Variants in GIPC3 observed in about 807,000 individuals in gnomAD.
The protein encoded by GIPC3 is PDZ domain-containing protein GIPC3.
Under a neutral mutation model 27.3 loss-of-function variants are expected in GIPC3, and 16 were observed. The observed-to-expected ratio is 0.59, with a 90% CI of 0.40 to 0.89. The LOEUF (loss-of-function observed/expected upper bound fraction) is 0.89. GIPC3 is among the 40% of genes least tolerant of loss of function. GIPC3 has a pLI of 0.00. For synonymous variants in GIPC3, 194 were observed against 184.6 expected (o/e 1.05, Z -0.41); for missense variants, 440 against 442.1 (o/e 1.00, Z 0.04).
intron 4 of GIPC3, 64 bp from the exon 5 acceptor site, chr19:3,589,767 G>A: frequency 1.3e-6 from 2 of 1,513,358 alleles, no homozygotes; most frequent in Non-Finnish European, 1.8e-6. Flanking sequence ...TGGGGGTCGG[G>A]AGGGGGCTGG....
At position 3,585,647 on chromosome 19, in the gene GIPC3, C is replaced by T. The variant is rs876657815; in HGVS notation, c.50C>T (p.Ala17Val). The T allele has an allele frequency of 1.7e-6, 2 of 1,206,654 alleles. No individual in the cohort carries two copies. Among genetic ancestry groups the T allele is most frequent in the African/African-American group, 1.6e-5 (1 of 62,580 alleles). 74.7% of individuals were successfully genotyped at this position (1,206,654 alleles called of 1,614,324 possible). A position where few individuals can be genotyped will look rare whatever the true frequency, so the allele number is the denominator to read the frequency against. Residue 17 changes from alanine to valine, a missense_variant, in exon 1 of 6, where the codon GCG becomes GTG. Physicochemically the swap from Ala to Val is moderately conservative, Grantham distance 64. Transcript: ENST00000644452. ...GCCCGGGGGACCGAGACCCCGCGCG[C>T]GTCTGCGCCCCCGCCCGCGCCCTCG... ...REARGTETPR[A>V]SAPPPAPSEP...
rs1454939272 is a variant in GIPC3 at position 3,586,819 on chromosome 19, C to T, written c.417C>T (p.Ile139=). 1.2e-6 allele frequency: 2 copies of T among 1,613,382 alleles called. No individual in the cohort carries two copies. Among genetic ancestry groups the T allele is most frequent in the Non-Finnish European group, 1.7e-6 (2 of 1,179,966 alleles). The change falls in exon 3 of 6, where the codon ATC becomes ATT. Residue 139 remains isoleucine, a synonymous_variant. Coordinates refer to ENST00000644452, the MANE Select transcript of GIPC3 (RefSeq NM_133261.3). ...GCGACGCTGGATCCCTGCAGAGAAT[C>T]AAGGAAGGCAGTATCATCAACCGGA... ...NGAGYAFIKR[I]KEGSIINRIE... is the part of the protein sequence containing the mutation.
Position 3,590,801 on chromosome 19 carries a change from C to CAAGCCCAGCTCTA in GIPC3, c.*611_*612insAAGCCCAGCTCTA. ...CTAGAACTCAGATGGGCTCTGAGAC[C>CAAGCCCAGCTCTA]GAGCCCAGCTCTAGAACTCAGATGG... On this transcript the variant is annotated 3_prime_UTR_variant, in exon 6 of 6. Transcript: ENST00000644452. 8.1e-7 allele frequency: 1 copy of CAAGCCCAGCTCTA among 1,234,632 alleles called. No homozygotes were observed. The highest frequency in any genetic ancestry group is 1.0e-6 in the Non-Finnish European group (1 of 989,868). The allele number at this position is 1,234,632 out of a possible 1,614,324, so 76.5% of individuals were successfully genotyped here.
At position 3,591,762 on chromosome 19, in the gene GIPC3, A is replaced by G; in HGVS notation, c.*1572A>G. 2 of 1,233,252 alleles carry G rather than the reference A, an allele frequency of 1.6e-6. No homozygotes were observed. The highest frequency in any genetic ancestry group is 3.2e-5 in the East Asian group (1 of 31,736). The allele number at this position is 1,233,252 out of a possible 1,614,324, so 76.4% of individuals were successfully genotyped here. On this transcript the variant is annotated 3_prime_UTR_variant, in exon 6 of 6. Coordinates refer to ENST00000644452, the MANE Select transcript of GIPC3 (RefSeq NM_133261.3). ...TGAGCCCAGCTCTAGAACCTCGCCT[A>G]GTGCTACAACCAGGCCCAACTCCAG...
chr19:3,590,196 C>T lies in GIPC3; in HGVS notation c.*6C>T. The stretch of plus-strand genomic sequence containing the variant: ...CCAGAGAGGCCTGTGGCTAGTTTGC[C>T]CTGGGGGGGCCCAGCACAGCCCCAG... On this transcript the variant is annotated 3_prime_UTR_variant, in exon 6 of 6. Coordinates refer to ENST00000644452, the MANE Select transcript of GIPC3 (RefSeq NM_133261.3). 1.3e-6 allele frequency: 2 copies of T among 1,584,994 alleles called. No individual in the cohort carries two copies. Among genetic ancestry groups the T allele is most frequent in the South Asian group, 1.1e-5 (1 of 87,202 alleles).
rs752367476 is a variant in GIPC3 at position 3,586,482 on chromosome 19, C to G, written c.226-13C>G. ...TGCCCTGGCTAACTCTAGGCTCCTT[C>G]TCCCCCGGGAAGATTTTATTCTGCA... On this transcript the variant is annotated splice_polypyrimidine_tract_variant and intron_variant, in intron 1 of 5. Coordinates refer to ENST00000644452, the MANE Select transcript of GIPC3 (RefSeq NM_133261.3). 15 of 1,612,596 alleles carry G rather than the reference C, an allele frequency of 9.3e-6. No individual in the cohort carries two copies. The South Asian group carries it at 1.6e-4, about 18-fold the overall frequency.
chr19:3,593,228 G>A lies in GIPC3; in HGVS notation c.*3038G>A, dbSNP rs766890798. 6.5e-6 allele frequency: 8 copies of A among 1,232,580 alleles called. No homozygotes were observed. Among genetic ancestry groups the A allele is most frequent in the African/African-American group, 1.5e-5 (1 of 64,552 alleles). The allele number at this position is 1,232,580 out of a possible 1,614,324, so 76.4% of individuals were successfully genotyped here. On this transcript the variant is annotated 3_prime_UTR_variant, in exon 6 of 6. Coordinates refer to ENST00000644452, the MANE Select transcript of GIPC3 (RefSeq NM_133261.3). ...AGCTGTCTGAGTCCCCAGCTTTGGC[G>A]CCAGCCCTTTGCCCCACTCTGGGGG...
chr19:3,587,076 G>A (rs2032383530), intron 3 of GIPC3, 82 bp downstream of exon 3: 1 of 1,354,774 alleles, frequency 7.4e-7, no homozygotes, highest in East Asian at 2.5e-5. Flanking sequence ...GGGATGGGAC[G>A]GGCTGGAAGG....
rs534609825 is a variant in GIPC3, at chr19:3,587,258, TG to T, written c.592+267del. Among the ~76,000 whole-genome samples, 309 of 150,892 alleles carry T rather than the reference TG, an allele frequency of 2.0e-3. 2 individuals carry two copies. Among genetic ancestry groups the T allele is most frequent in the African/African-American group, 7.0e-3 (287 of 40,994 alleles). On this transcript the variant is annotated intron_variant, in intron 3 of 5. Coordinates refer to ENST00000644452, the MANE Select transcript of GIPC3 (RefSeq NM_133261.3). ...GTCCAGAACCACTTTGGAGCCAGGC[TG>T]GGAGACTTGTTTTTGTTTGTTTGTT... is the stretch of plus-strand genomic sequence containing the variant.
Position 3,591,975 on chromosome 19 carries a change from C to A in GIPC3, c.*1785C>A, listed in dbSNP as rs1299730521. The A allele has an allele frequency of 1.9e-5, 24 of 1,232,070 alleles. No homozygotes were observed. The highest frequency in any genetic ancestry group is 3.1e-5 in the African/African-American group (2 of 64,410). The allele number at this position is 1,232,070 out of a possible 1,614,324, so 76.3% of individuals were successfully genotyped here. On this transcript the variant is annotated 3_prime_UTR_variant, in exon 6 of 6. Transcript: ENST00000644452. ...AGCTCAATCCAGCCCAAGCACCGCA[C>A]CCAGCTCTGGAACTCAGCTCAGTTC...
chr19:3,586,760 G>A (rs947095066), intron 2 of GIPC3, 54 bp from the exon 3 acceptor site: 2 of 1,612,022 alleles, frequency 1.2e-6, no homozygotes, highest in African/African-American at 2.7e-5. Context: ...TGGGTTCTGC[G>A]GATTGGAGGC....
chr19:3,586,283 G>T (rs1047324606), intron 1 of GIPC3, among the ~76,000 whole-genome samples: 5 of 152,120 alleles, frequency 3.3e-5, no homozygotes, highest in African/African-American at 1.2e-4. Flanking sequence ...AAACCTGGAG[G>T]TCTGGGGGCT....
Position 3,589,893 on chromosome 19 carries a change from C to T in GIPC3, c.768C>T (p.Gly256=). ...ATGACCTGCTGGAAAGCTACATGGG[C>T]ATTCGGGACCCCGAGCTGGGTAAGG... is the stretch of plus-strand genomic sequence containing the variant. The part of the protein sequence containing the change: ...KVDDLLESYM[G]IRDPELASTM... The change falls in exon 5 of 6, where the codon GGC becomes GGT. Residue 256 remains glycine, a synonymous_variant. Coordinates refer to ENST00000644452, the MANE Select transcript of GIPC3 (RefSeq NM_133261.3). 6.2e-7 allele frequency: 1 copy of T among 1,613,880 alleles called. No individual in the cohort carries two copies. The highest frequency in any genetic ancestry group is 8.5e-7 in the Non-Finnish European group (1 of 1,180,022).
chr19:3,591,045 A>G lies in GIPC3; in HGVS notation c.*855A>G. 6.5e-6 allele frequency: 8 copies of G among 1,230,818 alleles called. No homozygotes were observed. The highest frequency in any genetic ancestry group is 8.1e-6 in the Non-Finnish European group (8 of 988,658). The allele number at this position is 1,230,818 out of a possible 1,614,324, so 76.2% of individuals were successfully genotyped here. ...GATAAGCTCTGAAACCAAGCCCAGCATAGAGACCAAGCCGTGTTCTAGAAT... is the reference window on the plus strand; with the variant it reads ...GATAAGCTCTGAAACCAAGCCCAGCGTAGAGACCAAGCCGTGTTCTAGAAT... On this transcript the variant is annotated 3_prime_UTR_variant, in exon 6 of 6. Transcript: ENST00000644452.
Position 3,592,157 on chromosome 19 carries a change from TAGTTCCGAC to T in GIPC3, c.*1970_*1978del. 1 of 1,231,980 alleles carries T rather than the reference TAGTTCCGAC, an allele frequency of 8.1e-7. No homozygotes were observed. Among genetic ancestry groups the T allele is most frequent in the Admixed American group, 4.2e-5 (1 of 23,692 alleles). The allele number at this position is 1,231,980 out of a possible 1,614,324, so 76.3% of individuals were successfully genotyped here. A position where few individuals can be genotyped will look rare whatever the true frequency, so the allele number is the denominator to read the frequency against. On this transcript the variant is annotated 3_prime_UTR_variant, in exon 6 of 6. Coordinates refer to ENST00000644452, the MANE Select transcript of GIPC3 (RefSeq NM_133261.3). ...TAGAATTAAGCTCCACAGCCCTGTCTAGTTCCGACAGCAGGTCCAGCTCCAGGACCCAGC... is the reference window on the plus strand; with the variant it reads ...TAGAATTAAGCTCCACAGCCCTGTCTAGCAGGTCCAGCTCCAGGACCCAGC...
intron 3 of GIPC3, among the ~76,000 whole-genome samples, chr19:3,587,695 C>CTTTTTTCTTTTCT (rs548820972): frequency 0.013 from 1,744 of 131,160 alleles, 81 homozygotes; most frequent in African/African-American, 0.049. Context: ...CTTTTCTTTT[C>CTTTTTTCTTTTCT]TTTTTTTTTT....
intron 3 of GIPC3, among the ~76,000 whole-genome samples, chr19:3,587,887 T>C (rs564933504): frequency 2.4e-4 from 36 of 151,902 alleles, no homozygotes; most frequent in East Asian, 1.6e-3. Flanking sequence ...GATGAGGTTT[T>C]ACCGTGTTAG....
At chr19:3,587,099 C>A in intron 3 of GIPC3, 105 bp downstream of exon 3, 1 of 1,018,158 alleles carries the variant, frequency 9.8e-7, no homozygotes, top group Non-Finnish European at 1.5e-6. Context: ...CTAGGTGCAC[C>A]CGCTGCGTGC....
chr19:3,585,872 G>A (rs2032354573), intron 1 of GIPC3, 50 bp downstream of exon 1: 11 of 1,521,824 alleles, frequency 7.2e-6, no homozygotes, highest in South Asian at 2.4e-5. Context: ...GATGGGGTGA[G>A]GGGTAGGGAG....
Sources: allele counts gnomAD v4.1 joint callset (sites outside exome capture counted in the v4.1 genomes callset), GRCh38; gene constraint gnomAD v4.1.1; transcripts MANE v1.5; gene names NCBI Gene and HGNC (gene_info 2026-07-23, HGNC 2026-07-21).